The following ACSS3 variants were observed in gnomAD, a reference collection of about 807,000 sequenced individuals.
ACSS3 encodes the protein acyl-CoA synthetase short-chain family member 3, mitochondrial.
In ACSS3, 64 loss-of-function variants were observed where a neutral mutation model predicts 84.2. The ratio of observed to expected loss-of-function variants is 0.76; its 90% confidence interval spans 0.62 to 0.94. The LOEUF (loss-of-function observed/expected upper bound fraction) is 0.94, where lower values mean the gene tolerates loss of function less well. Among genes scored for constraint, ACSS3 ranks in the 40% least tolerant of loss-of-function variants. The pLI is 0.00. For synonymous variants in ACSS3, 317 were observed against 310.1 expected (o/e 1.02, Z -0.23); for missense variants, 815 against 867.6 (o/e 0.94, Z 0.76).
chr12:81,212,844 T>A (rs919885408), intron 9 of ACSS3, among the ~76,000 whole-genome samples: 4 of 152,212 alleles, frequency 2.6e-5, no homozygotes, highest in African/African-American at 7.2e-5. Context: ...TGTCCTTTTT[T>A]AAAAACAAGG....
chr12:81,185,378 A>G (rs996916643), intron 8 of ACSS3, among the ~76,000 whole-genome samples: 5 of 151,706 alleles, frequency 3.3e-5, no homozygotes, highest in Admixed American at 1.3e-4. Flanking sequence ...AATTAAATGT[A>G]TCTAATTGAA....
chr12:81,202,970 T>C (rs186635809), intron 9 of ACSS3, among the ~76,000 whole-genome samples: 43 of 152,180 alleles, frequency 2.8e-4, no homozygotes, highest in Admixed American at 4.6e-4. Flanking sequence ...GCTGACATGA[T>C]TATGGAGACT....
chr12:81,250,029 G>C (rs1429024980), intron 13 of ACSS3, among the ~76,000 whole-genome samples: 7 of 151,928 alleles, frequency 4.6e-5, no homozygotes, highest in Admixed American at 3.9e-4. Flanking sequence ...ACTCAATTGT[G>C]GTGAGACTAT....
At chr12:81,225,311 C>T (rs1478761834) in intron 11 of ACSS3, among the ~76,000 whole-genome samples, 4 of 151,818 alleles carry the variant, frequency 2.6e-5, no homozygotes, top group Non-Finnish European at 4.4e-5. Flanking sequence ...ATCCAAATTA[C>T]CACATCTGAT....
chr12:81,215,481 G>A (rs1367341947), intron 9 of ACSS3, among the ~76,000 whole-genome samples: 1 of 152,182 alleles, frequency 6.6e-6, no homozygotes, highest in African/African-American at 2.4e-5. Context: ...GGAAGGTAAA[G>A]AGCAGTAATA....
At chr12:81,246,769 C>T (rs1565742868) in intron 13 of ACSS3, among the ~76,000 whole-genome samples, 1 of 152,020 alleles carries the variant, frequency 6.6e-6, no homozygotes, top group Admixed American at 6.5e-5. Context: ...TCAGAGTATG[C>T]AGAGTCAAAG....
intron 2 of ACSS3, among the ~76,000 whole-genome samples, chr12:81,132,578 A>T (rs1194947682): frequency 1.3e-5 from 2 of 152,138 alleles, no homozygotes; most frequent in Admixed American, 6.6e-5. Context: ...TCAAAAAACC[A>T]GCTCCTAGAT....
At chr12:81,208,327 A>G (rs552498049) in intron 9 of ACSS3, among the ~76,000 whole-genome samples, 223 of 152,274 alleles carry the variant, frequency 1.5e-3, no homozygotes, top group Non-Finnish European at 1.4e-3. Context: ...AGATTGCCAG[A>G]TGCAGCGGGA....
intron 8 of ACSS3, among the ~76,000 whole-genome samples, chr12:81,184,702 G>A (rs964856176): frequency 6.6e-6 from 1 of 151,492 alleles, no homozygotes; most frequent in Non-Finnish European, 1.5e-5. Flanking sequence ...AAAAATATAA[G>A]CTACCAATAT....
At chr12:81,165,272 G>A (rs1887345856) in intron 7 of ACSS3, among the ~76,000 whole-genome samples, 1 of 152,146 alleles carries the variant, frequency 6.6e-6, no homozygotes, top group African/African-American at 2.4e-5. Context: ...ATGCTAGAAG[G>A]TGATGGGGAA....
chr12:81,233,981 C>G (rs1455266168), intron 13 of ACSS3, among the ~76,000 whole-genome samples: 3 of 151,480 alleles, frequency 2.0e-5, no homozygotes, highest in Non-Finnish European at 3.0e-5. Flanking sequence ...TATACTAATA[C>G]AGTTTCTTGT....
chr12:81,140,886 AG>A (rs1324460817), intron 4 of ACSS3, among the ~76,000 whole-genome samples: 4 of 152,182 alleles, frequency 2.6e-5, no homozygotes, highest in African/African-American at 9.7e-5. Context: ...TGATGTTCTA[AG>A]TTCTAGGCCC....
intron 9 of ACSS3, among the ~76,000 whole-genome samples, chr12:81,215,133 A>T (rs1416098488): frequency 2.6e-5 from 4 of 152,172 alleles, no homozygotes; most frequent in Non-Finnish European, 4.4e-5. Flanking sequence ...AACACTTCTG[A>T]CCATGCAGAT....
intron 2 of ACSS3, among the ~76,000 whole-genome samples, chr12:81,111,579 A>G (rs546198182): frequency 6.6e-6 from 1 of 152,328 alleles, no homozygotes; most frequent in South Asian, 2.1e-4. Flanking sequence ...GATAGGGCTG[A>G]CATACTCCTC....
At chr12:81,213,939 C>T (rs201379166) in intron 9 of ACSS3, among the ~76,000 whole-genome samples, 188 of 67,346 alleles carry the variant, frequency 2.8e-3, no homozygotes, top group Middle Eastern at 0.014. Context: ...CTTCCTTTCT[C>T]TCTCTCTCTC....
In ACSS3 at chr12:81,231,063, A is replaced by G; in HGVS notation, c.1521A>G (p.Pro507=). ...TTCTCTGTTTTTATATAAGGTTACC[A>G]TTGCCACCTGGGGCTTTTTCAGGAC... is the stretch of plus-strand genomic sequence containing the variant. ...RCLGNIVVKL[P]LPPGAFSGLW... Residue 507 remains proline (P), a synonymous_variant, in exon 12 of 16, where the codon CCA becomes CCG. Transcript: ENST00000548058. 2 of 1,610,306 alleles carry G rather than the reference A, an allele frequency of 1.2e-6. No homozygotes were observed. The highest frequency in any genetic ancestry group is 1.7e-6 in the Non-Finnish European group (2 of 1,177,810).
intron 8 of ACSS3, among the ~76,000 whole-genome samples, chr12:81,180,572 G>C (rs1033962320): frequency 1.3e-5 from 2 of 152,086 alleles, no homozygotes; most frequent in Non-Finnish European, 2.9e-5. Flanking sequence ...CTGGAGTGCA[G>C]TGGCATGATC....
At chr12:81,212,183 T>C (rs991088578) in intron 9 of ACSS3, among the ~76,000 whole-genome samples, 1 of 152,184 alleles carries the variant, frequency 6.6e-6, no homozygotes, top group Non-Finnish European at 1.5e-5. Flanking sequence ...CACCACACAT[T>C]TTACTCTTGT....
intron 2 of ACSS3, among the ~76,000 whole-genome samples, chr12:81,110,930 C>A (rs1334521102): frequency 6.6e-6 from 1 of 152,178 alleles, no homozygotes; most frequent in Non-Finnish European, 1.5e-5. Flanking sequence ...CTCTCCCTGA[C>A]TCTTTGAAAT....
Sources: allele counts gnomAD v4.1 joint callset (sites outside exome capture counted in the v4.1 genomes callset), GRCh38; gene constraint gnomAD v4.1.1; transcripts MANE v1.5; gene names NCBI Gene and HGNC (gene_info 2026-07-23, HGNC 2026-07-21).